The following ACSM3 variants were observed in gnomAD, a reference collection of about 807,000 sequenced individuals.
ACSM3 encodes acyl-CoA synthetase medium chain family member 3, also known as acyl-coenzyme A synthetase ACSM3, mitochondrial.
In ACSM3, 61 loss-of-function variants were observed where a neutral mutation model predicts 74.1. The observed-to-expected ratio is 0.82, with a 90% CI of 0.67 to 1.02. ACSM3 has a LOEUF of 1.02. Ranked by LOEUF, ACSM3 falls within the 50% of genes least tolerant of loss-of-function variation. The pLI, the probability that ACSM3 is intolerant of heterozygous loss-of-function variation, is 0.00. For synonymous variants in ACSM3, 213 were observed against 241.5 expected, an observed-to-expected ratio of 0.88 and a Z score of 1.09; for missense variants, 660 against 697.0, an observed-to-expected ratio of 0.95 and a Z score of 0.60.
chr16:20,739,668 A>G (rs1233529772), intron 1 of ACSM3, among the ~76,000 whole-genome samples: 1 of 151,880 alleles, frequency 6.6e-6, no homozygotes, highest in Non-Finnish European at 1.5e-5. Context: ...TAAAAATACA[A>G]AAATTAGCCC....
At chr16:20,685,564 G>A (rs1031878675) in intron 1 of ACSM3, among the ~76,000 whole-genome samples, 2 of 152,108 alleles carry the variant, frequency 1.3e-5, no homozygotes, top group Non-Finnish European at 2.9e-5. Context: ...GCTCATGCTT[G>A]TAATTCCAGT....
intron 1 of ACSM3, among the ~76,000 whole-genome samples, chr16:20,704,421 C>T (rs1222395588): frequency 6.6e-6 from 1 of 152,208 alleles, no homozygotes. Flanking sequence ...TTAGCTTAGT[C>T]ACCATGTTTA....
intron 1 of ACSM3, among the ~76,000 whole-genome samples, chr16:20,677,853 G>A (rs796394119): frequency 6.6e-6 from 1 of 151,864 alleles, no homozygotes; most frequent in Non-Finnish European, 1.5e-5. Flanking sequence ...CCATGTTCAT[G>A]AGGCTATTTA....
At chr16:20,685,847 C>CAA (rs1491230287) in intron 1 of ACSM3, among the ~76,000 whole-genome samples, 8 of 91,074 alleles carry the variant, frequency 8.8e-5, no homozygotes, top group East Asian at 6.5e-4. Context: ...AAAAAAAAAA[C>CAA]AAAAAACTTA....
At chr16:20,791,942 ATTCC>A in intron 10 of ACSM3, 56 bp from the exon 11 acceptor site, 1 of 1,570,256 alleles carries the variant, frequency 6.4e-7, no homozygotes, top group Non-Finnish European at 8.6e-7. Context: ...AAAAAAAAAA[ATTCC>A]AATTGACCAG....
intron 9 of ACSM3, 114 bp downstream of exon 9, chr16:20,786,272 CATG>C: frequency 6.9e-7 from 1 of 1,451,808 alleles, no homozygotes; most frequent in Non-Finnish European, 9.1e-7. Flanking sequence ...ATTTTACTTC[CATG>C]ATACTTTAAT....
At chr16:20,717,093 C>T (rs2079764563) in intron 1 of ACSM3, among the ~76,000 whole-genome samples, 1 of 152,168 alleles carries the variant, frequency 6.6e-6, no homozygotes, top group African/African-American at 2.4e-5. Flanking sequence ...TATTCATCTT[C>T]CTAACGTGCT....
At chr16:20,681,145 C>G (rs1194501739) in intron 1 of ACSM3, 1 of 152,144 alleles carries the variant, frequency 6.6e-6, no homozygotes, top group Non-Finnish European at 1.5e-5. Flanking sequence ...TCTATATGCT[C>G]AACTGCATCA....
chr16:20,715,896 G>A (rs1044571357), intron 1 of ACSM3, among the ~76,000 whole-genome samples: 2 of 152,154 alleles, frequency 1.3e-5, no homozygotes, highest in African/African-American at 4.8e-5. Context: ...GCTGGTTTCT[G>A]CTCCACATCA....
intron 1 of ACSM3, among the ~76,000 whole-genome samples, chr16:20,742,384 A>G (rs556752992): frequency 6.6e-6 from 1 of 152,192 alleles, no homozygotes; most frequent in South Asian, 2.1e-4. Context: ...TCGGCCGGGC[A>G]CGGTGGCTCA....
rs996008532 is a variant in ACSM3 at position 20,790,991 on chromosome 16, A to G, written c.1326+303A>G. 6.5e-7 allele frequency: 1 copy of G among 1,546,988 alleles called. No homozygotes were observed. The highest frequency in any genetic ancestry group is 1.9e-5 in the Admixed American group (1 of 53,468). On this transcript the variant is annotated intron_variant, in intron 10 of 13. Coordinates refer to ENST00000289416, the MANE Select transcript of ACSM3 (RefSeq NM_005622.4). The surrounding 1 kb of genome is among the most constrained non-coding windows in gnomAD (Gnocchi z 4.0). ...TCCTCTCAATTATCAAACAAAACCC[A>G]CTCATTTTCCTGAAATCCAGTTAGT...
chr16:20,759,187 A>T (rs1453196521), upstream of ACSM3, among the ~76,000 whole-genome samples: 1 of 152,128 alleles, frequency 6.6e-6, no homozygotes, highest in East Asian at 1.9e-4. Flanking sequence ...CTTGGGAGGA[A>T]AGAAGGGCTG....
intron 1 of ACSM3, among the ~76,000 whole-genome samples, chr16:20,716,571 G>T (rs771813660): frequency 2.6e-5 from 4 of 152,146 alleles, no homozygotes; most frequent in Non-Finnish European, 5.9e-5. Flanking sequence ...AAGCAGCAGA[G>T]CATATTCTAT....
chr16:20,749,747 A>AC (rs1321292462), intron 1 of ACSM3: 1 of 152,344 alleles, frequency 6.6e-6, no homozygotes, highest in African/African-American at 2.4e-5. Flanking sequence ...CCTGGGCTTG[A>AC]CCAGGTAGAC....
At chr16:20,759,152 C>A (rs1358222837), upstream of ACSM3, among the ~76,000 whole-genome samples, 1 of 152,222 alleles carries the variant, frequency 6.6e-6, no homozygotes, top group Non-Finnish European at 1.5e-5. Context: ...ACCCCACCAC[C>A]ACGCCACTTC....
At chr16:20,703,348 G>A (rs2079718595) in intron 1 of ACSM3, 1 of 152,170 alleles carries the variant, frequency 6.6e-6, no homozygotes, top group South Asian at 2.1e-4. Flanking sequence ...ATTCTGCAAA[G>A]AAAGTCACTG....
chr16:20,739,085 A>G (rs767888508), intron 1 of ACSM3: 1 of 1,613,828 alleles, frequency 6.2e-7, no homozygotes, highest in Non-Finnish European at 8.5e-7. Flanking sequence ...TTTGCATAAA[A>G]CTAATGAGCA....
At chr16:20,779,138 T>G (rs1372691724) in intron 4 of ACSM3, among the ~76,000 whole-genome samples, 1 of 152,086 alleles carries the variant, frequency 6.6e-6, no homozygotes, top group Non-Finnish European at 1.5e-5. Flanking sequence ...GAAAACAGCT[T>G]TTTAGCCAGG....
At chr16:20,728,353 A>C in intron 1 of ACSM3, 1 of 1,211,538 alleles carries the variant, frequency 8.3e-7, no homozygotes, top group Non-Finnish European at 1.2e-6. Flanking sequence ...GTGAAAAGAA[A>C]ATTTTAAGAA....
Sources: gnomAD v4.1 joint callset for allele counts (sites outside exome capture counted in the v4.1 genomes callset) on GRCh38, gnomAD v4.1.1 for gene constraint, Gnocchi (gnomAD v3.1) non-coding constraint, MANE v1.5 for transcripts, NCBI Gene and HGNC (gene_info 2026-07-23, HGNC 2026-07-21) for gene names.